The following DDC variants were observed in gnomAD, a reference collection of about 807,000 sequenced individuals.
DDC encodes aromatic-L-amino-acid decarboxylase.
Under a neutral mutation model 60.0 loss-of-function variants are expected in DDC, and 43 were observed. The ratio of observed to expected loss-of-function variants is 0.72; its 90% confidence interval spans 0.56 to 0.92. The LOEUF (loss-of-function observed/expected upper bound fraction) is 0.92, where lower values mean the gene tolerates loss of function less well. DDC is among the 40% of genes least tolerant of loss of function. The pLI is 0.00. For missense variants in DDC, 573 were observed against 620.2 expected, an observed-to-expected ratio of 0.92 and a Z score of 0.81; for synonymous variants, 232 against 234.6, an observed-to-expected ratio of 0.99 and a Z score of 0.10.
At chr7:50,515,784 T>C (rs1031336705) in intron 6 of DDC, among the ~76,000 whole-genome samples, 42 of 152,268 alleles carry the variant, frequency 2.8e-4, no homozygotes, top group African/African-American at 9.9e-4. Context: ...TATTCTTATA[T>C]CAGACAAAAC....
In DDC at chr7:50,467,271, A is replaced by T. The variant is rs773297272; in HGVS notation, c.1185T>A (p.Asp395Glu). The change falls in exon 13 of 15, where the codon GAT becomes GAA. Residue 395 changes from aspartate (D) to glutamate (E), a missense_variant. Transcript: ENST00000444124. ...CTTCCACACAGATTTCAAAGCGGGG[A>T]TCCTGGCGCACCAGTGACTCAAACT... Reference protein sequence around the residue: ...SHEFESLVRQDPRFEICVEVI... With the variant: ...SHEFESLVRQEPRFEICVEVI... 2.5e-6 allele frequency: 4 copies of T among 1,614,108 alleles called. No individual in the cohort carries two copies. The highest frequency in any genetic ancestry group is 1.6e-4 in the Middle Eastern group (1 of 6,084).
intron 9 of DDC, among the ~76,000 whole-genome samples, chr7:50,481,861 C>G (rs2042776435): frequency 6.6e-6 from 1 of 152,168 alleles, no homozygotes; most frequent in Non-Finnish European, 1.5e-5. Context: ...CTATAATTTG[C>G]TTTCTTACCC....
At chr7:50,539,666 T>C (rs994471498) in intron 3 of DDC, among the ~76,000 whole-genome samples, 1 of 152,202 alleles carries the variant, frequency 6.6e-6, no homozygotes, top group Non-Finnish European at 1.5e-5. Flanking sequence ...TGTTAGTTCA[T>C]ACCAAGTGCT....
intron 6 of DDC, among the ~76,000 whole-genome samples, chr7:50,523,265 A>G (rs1207757936): frequency 6.6e-6 from 1 of 152,246 alleles, no homozygotes; most frequent in Non-Finnish European, 1.5e-5. Context: ...AGGATTGATG[A>G]TGAATTTTTG....
At chr7:50,509,984 T>A (rs967857339) in intron 6 of DDC, among the ~76,000 whole-genome samples, 1 of 152,200 alleles carries the variant, frequency 6.6e-6, no homozygotes, top group Admixed American at 6.5e-5. Flanking sequence ...TATCTTTTTT[T>A]TTTTGAGACG....
intron 1 of DDC, among the ~76,000 whole-genome samples, chr7:50,563,690 C>A (rs1171732176): frequency 6.6e-6 from 1 of 152,164 alleles, no homozygotes; most frequent in Non-Finnish European, 1.5e-5. Flanking sequence ...CAACCTCCGC[C>A]TCCCACGCTC....
rs759611448 is a variant in DDC at position 50,529,167 on chromosome 7, G to T, written c.570+41C>A. ...GAATTTGACATAAAACCAAACATTC[G>T]GGTCTTGAAGTCTTGGCTGATACCC... On this transcript the variant is annotated intron_variant, in intron 5 of 14. Coordinates refer to ENST00000444124, the MANE Select transcript of DDC (RefSeq NM_001082971.2). 8.1e-6 allele frequency: 13 copies of T among 1,611,700 alleles called. No homozygotes were observed. In the South Asian group the frequency reaches 1.4e-4, roughly 18 times the overall value.
rs562809664 is a variant in DDC, at chr7:50,493,081, A to G, written c.944+2269T>C. On this transcript the variant is annotated intron_variant, in intron 9 of 14. Transcript: ENST00000444124. ...ATTTGCCTCCAAGATTAGGGACCCA[A>G]AATATTTCTGGTCCCTGACCGCTTC... The G allele has an allele frequency of 4.4e-4, 543 of 1,244,412 alleles. 4 individuals carry two copies. The South Asian group carries it at 5.1e-3, about 12-fold the overall frequency. 77.1% of individuals were successfully genotyped at this position (1,244,412 alleles called of 1,614,324 possible). A position where few individuals can be genotyped will look rare whatever the true frequency, so the allele number is the denominator to read the frequency against.
intron 6 of DDC, among the ~76,000 whole-genome samples, chr7:50,516,396 A>T (rs1157454252): frequency 6.6e-6 from 1 of 152,162 alleles, no homozygotes; most frequent in Non-Finnish European, 1.5e-5. Context: ...TAACGACACA[A>T]CCTACCAAAA....
intron 4 of DDC, among the ~76,000 whole-genome samples, chr7:50,532,105 CT>C (rs1478975798): frequency 2.0e-5 from 3 of 152,248 alleles, no homozygotes; most frequent in Non-Finnish European, 4.4e-5. Context: ...ACGCCCACAG[CT>C]GTGATTACAG....
intron 1 of DDC, among the ~76,000 whole-genome samples, chr7:50,553,888 T>A (rs1210801900): frequency 6.6e-6 from 1 of 152,200 alleles, no homozygotes; most frequent in Non-Finnish European, 1.5e-5. Flanking sequence ...TTTCTAGCCA[T>A]GAGAGCTTTT....
intron 6 of DDC, among the ~76,000 whole-genome samples, chr7:50,507,950 A>G (rs2043445126): frequency 6.6e-6 from 1 of 152,240 alleles, no homozygotes; most frequent in South Asian, 2.1e-4. Flanking sequence ...TTGTCCCAGG[A>G]CACCCAGATA....
chr7:50,502,279 G>A (rs138684181), intron 7 of DDC, among the ~76,000 whole-genome samples: 1 of 152,118 alleles, frequency 6.6e-6, no homozygotes, highest in Non-Finnish European at 1.5e-5. Context: ...TAGCAGGAAG[G>A]CCTGAGCTGG....
At position 50,463,435 on chromosome 7, in the gene DDC, G is replaced by A. The variant is rs755780775; in HGVS notation, c.1243-4C>T. 4 of 1,613,826 alleles carry A rather than the reference G, an allele frequency of 2.5e-6. No individual in the cohort carries two copies. Among genetic ancestry groups the A allele is most frequent in the Non-Finnish European group, 3.4e-6 (4 of 1,179,706 alleles). On this transcript the variant is annotated splice_region_variant and splice_polypyrimidine_tract_variant and intron_variant, in intron 13 of 14. Coordinates refer to ENST00000444124, the MANE Select transcript of DDC (RefSeq NM_001082971.2). ...CTTCATTCACTTTGTTGGAACCCTG[G>A]AGGGATTGAAAGAGAGGAACTGTGC... is the stretch of plus-strand genomic sequence containing the variant.
chr7:50,545,506 C>T (rs2044772253), intron 1 of DDC, among the ~76,000 whole-genome samples: 1 of 152,192 alleles, frequency 6.6e-6, no homozygotes, highest in South Asian at 2.1e-4. Flanking sequence ...GAGTTTTGCT[C>T]TTGTCGCCCA....
chr7:50,501,493 A>G (rs2043256166), intron 7 of DDC, among the ~76,000 whole-genome samples: 1 of 152,252 alleles, frequency 6.6e-6, no homozygotes, highest in Non-Finnish European at 1.5e-5. Flanking sequence ...AATGCAATAA[A>G]AAGAAAATGT....
rs11575543 is a variant in DDC at position 50,463,171 on chromosome 7, G to T, written c.*18+42C>A. The T allele has an allele frequency of 4.0e-6, 6 of 1,511,312 alleles. No individual in the cohort carries two copies. In the Admixed American group the frequency reaches 1.2e-4, roughly 29 times the overall value. The allele number at this position is 1,511,312 out of a possible 1,614,324, so 93.6% of individuals were successfully genotyped here. A position where few individuals can be genotyped will look rare whatever the true frequency, so the allele number is the denominator to read the frequency against. On this transcript the variant is annotated intron_variant, in intron 14 of 14. Coordinates refer to ENST00000444124, the MANE Select transcript of DDC (RefSeq NM_001082971.2). ...GACTCCAGGAGGACACTCTTGCCAC[G>T]GGACAAGGAGACAGGCAGAAAATGA... is the stretch of plus-strand genomic sequence containing the variant.
At chr7:50,515,670 T>C (rs2043707058) in intron 6 of DDC, among the ~76,000 whole-genome samples, 1 of 152,202 alleles carries the variant, frequency 6.6e-6, no homozygotes, top group Non-Finnish European at 1.5e-5. Context: ...ACCAACCATC[T>C]GCTGCCTTCA....
At chr7:50,503,270 G>A (rs1448817215) in intron 7 of DDC, among the ~76,000 whole-genome samples, 1 of 152,240 alleles carries the variant, frequency 6.6e-6, no homozygotes, top group Non-Finnish European at 1.5e-5. Flanking sequence ...GGAGCCCCCT[G>A]AGCCAGTGTC....
Sources: gnomAD v4.1 joint callset for allele counts (sites outside exome capture counted in the v4.1 genomes callset) on GRCh38, gnomAD v4.1.1 for gene constraint, MANE v1.5 for transcripts, NCBI Gene and HGNC (gene_info 2026-07-23, HGNC 2026-07-21) for gene names.